Variants in FHIT observed in about 807,000 individuals in gnomAD.
The protein encoded by FHIT is bis(5'-adenosyl)-triphosphatase.
Under a neutral mutation model 17.9 loss-of-function variants are expected in FHIT, and 19 were observed. The observed-to-expected ratio is 1.06, with a 90% CI of 0.74 to 1.56. The LOEUF (loss-of-function observed/expected upper bound fraction) is 1.56, where lower values mean the gene tolerates loss of function less well. Among genes scored for constraint, FHIT ranks in the 40% most tolerant of loss-of-function variants. The pLI is 0.00. For synonymous variants in FHIT, 81 were observed against 69.7 expected (o/e 1.16, Z -0.81); for missense variants, 248 against 189.2 (o/e 1.31, Z -1.82).
At chr3:61,103,868 G>T (rs1435401330) in intron 2 of FHIT, among the ~76,000 whole-genome samples, 7 of 151,594 alleles carry the variant, frequency 4.6e-5, no homozygotes, top group African/African-American at 1.7e-4. Context: ...CAGAGACTAG[G>T]ATTTCAACCC....
chr3:60,138,440 A>G (rs1699905161), intron 5 of FHIT, among the ~76,000 whole-genome samples: 1 of 152,178 alleles, frequency 6.6e-6, no homozygotes, highest in African/African-American at 2.4e-5. Context: ...CAGTTCAATG[A>G]TGCTTCCTGT....
intron 3 of FHIT, among the ~76,000 whole-genome samples, chr3:60,991,702 T>C (rs1250662734): frequency 2.6e-5 from 4 of 152,162 alleles, no homozygotes; most frequent in Admixed American, 6.6e-5. Flanking sequence ...ATAATAACTC[T>C]TCCCAGAGTC....
intron 5 of FHIT, among the ~76,000 whole-genome samples, chr3:60,426,277 TG>T (rs1454346771): frequency 6.6e-6 from 1 of 152,120 alleles, no homozygotes; most frequent in African/African-American, 2.4e-5. Flanking sequence ...ATAATTGCCA[TG>T]GAAGTATTAA....
chr3:59,767,999 C>T (rs1230466941), intron 8 of FHIT, among the ~76,000 whole-genome samples: 1 of 152,128 alleles, frequency 6.6e-6, no homozygotes, highest in Non-Finnish European at 1.5e-5. Flanking sequence ...ATTATTATCC[C>T]CATTTTATAG....
intron 5 of FHIT, among the ~76,000 whole-genome samples, chr3:60,182,166 A>C (rs975167925): frequency 6.6e-6 from 1 of 152,160 alleles, no homozygotes; most frequent in Admixed American, 6.5e-5. Context: ...CAATGAAGGC[A>C]ACTAGAGGTT....
intron 7 of FHIT, among the ~76,000 whole-genome samples, chr3:60,007,162 G>A (rs991438602): frequency 4.6e-5 from 7 of 151,866 alleles, no homozygotes; most frequent in Non-Finnish European, 8.8e-5. Flanking sequence ...ACCTAAAACC[G>A]CCTCCCACCC....
intron 2 of FHIT, among the ~76,000 whole-genome samples, chr3:61,179,278 G>A (rs1352619452): frequency 6.6e-6 from 1 of 151,876 alleles, no homozygotes; most frequent in Non-Finnish European, 1.5e-5. Context: ...GAAGTGCTGG[G>A]ATTACAGGCA....
chr3:60,938,455 C>T (rs1708283642), intron 3 of FHIT, among the ~76,000 whole-genome samples: 1 of 152,186 alleles, frequency 6.6e-6, no homozygotes, highest in Admixed American at 6.5e-5. Flanking sequence ...ATGAGACCAA[C>T]ATATAAAACC....
chr3:60,009,165 A>ATGTGTGTGTGTG (rs753809976), intron 7 of FHIT, among the ~76,000 whole-genome samples: 21 of 54,132 alleles, frequency 3.9e-4, no homozygotes, highest in South Asian at 7.3e-4. Flanking sequence ...CTGGGATTTT[A>ATGTGTGTGTGTG]TGTGTGTGTG....
chr3:61,043,679 T>C (rs13077491), intron 2 of FHIT, among the ~76,000 whole-genome samples: 110,558 of 152,146 alleles, frequency 0.73, 41,988 homozygotes, highest in East Asian at 0.99. Flanking sequence ...AGACTGCCTC[T>C]TCAAGTGGGT....
At chr3:60,331,247 T>C (rs1709957485) in intron 5 of FHIT, among the ~76,000 whole-genome samples, 2 of 152,202 alleles carry the variant, frequency 1.3e-5, no homozygotes, top group Non-Finnish European at 2.9e-5. Flanking sequence ...GCTAGCCTCC[T>C]AGTTTCTTGC....
chr3:59,896,774 G>T (rs1704090615), intron 8 of FHIT, among the ~76,000 whole-genome samples: 2 of 152,104 alleles, frequency 1.3e-5, no homozygotes, highest in African/African-American at 4.8e-5. Flanking sequence ...TACTGTGAAA[G>T]AAAATAATTA....
At chr3:60,200,668 G>GT (rs962970115) in intron 5 of FHIT, among the ~76,000 whole-genome samples, 1 of 95,626 alleles carries the variant, frequency 1.0e-5, no homozygotes, top group African/African-American at 3.3e-5. Context: ...GTTGCTTTTG[G>GT]GGGAAAAAAA....
chr3:60,159,912 A>G (rs573849538), intron 5 of FHIT, among the ~76,000 whole-genome samples: 20 of 152,316 alleles, frequency 1.3e-4, no homozygotes, highest in African/African-American at 4.8e-4. Flanking sequence ...TGCGTGCACA[A>G]ATGAGCAAAC....
chr3:61,066,547 A>G (rs2034616798), intron 2 of FHIT, among the ~76,000 whole-genome samples: 1 of 152,184 alleles, frequency 6.6e-6, no homozygotes, highest in Non-Finnish European at 1.5e-5. Flanking sequence ...CCTAGGAGGC[A>G]AAGGTTGCAG....
chr3:60,054,476 C>T (rs181448878), intron 5 of FHIT, among the ~76,000 whole-genome samples: 4 of 152,190 alleles, frequency 2.6e-5, no homozygotes, highest in African/African-American at 7.2e-5. Flanking sequence ...ATGTACCACT[C>T]CCATCCCAAC....
rs192097787 is a variant in FHIT at position 61,035,748 on chromosome 3, A to T, written c.-111+6299T>A. Among the ~76,000 whole-genome samples, 19 of 151,860 alleles carry T rather than the reference A, an allele frequency of 1.3e-4. No individual in the cohort carries two copies. The East Asian group carries it at 3.1e-3, about 25-fold the overall frequency. Reference sequence around the variant, plus strand: ...TCCTTTTAAAATATTATCCAAGAAGAAGTAATTGTCAGATAGTGATGATGT... The same window carrying T: ...TCCTTTTAAAATATTATCCAAGAAGTAGTAATTGTCAGATAGTGATGATGT... On this transcript the variant is annotated intron_variant, in intron 3 of 9. Transcript: ENST00000492590.
At chr3:60,662,862 A>G (rs1310408730) in intron 4 of FHIT, among the ~76,000 whole-genome samples, 2 of 151,766 alleles carry the variant, frequency 1.3e-5, no homozygotes, top group African/African-American at 2.4e-5. Flanking sequence ...TAAAATTGTT[A>G]TTATTTTACA....
At chr3:60,876,319 G>A (rs1384257370) in intron 3 of FHIT, among the ~76,000 whole-genome samples, 4 of 152,166 alleles carry the variant, frequency 2.6e-5, no homozygotes, top group Admixed American at 1.3e-4. Context: ...GAATCTGACA[G>A]ATTGCCCCTG....
Sources: allele counts gnomAD v4.1 joint callset (sites outside exome capture counted in the v4.1 genomes callset), GRCh38; gene constraint gnomAD v4.1.1; transcripts MANE v1.5; gene names NCBI Gene and HGNC (gene_info 2026-07-23, HGNC 2026-07-21).